PTPRQ: variants seen among roughly 807,000 people sequenced by gnomAD.
PTPRQ encodes the protein phosphatidylinositol phosphatase PTPRQ.
A neutral mutation model predicts 246.0 loss-of-function variants in PTPRQ; 199 were observed. The ratio of observed to expected loss-of-function variants is 0.81; its 90% CI spans 0.72 to 0.91. The LOEUF (loss-of-function observed/expected upper bound fraction) is 0.91. Among genes scored for constraint, PTPRQ ranks in the 40% least tolerant of loss-of-function variants. The pLI is 0.00. For synonymous variants in PTPRQ, 869 were observed against 853.2 expected (o/e 1.02, Z -0.32); for missense variants, 2,624 against 2,528.4 (o/e 1.04, Z -0.81).
chr12:80,541,443 T>A (rs1896147381), intron 20 of PTPRQ, 112 bp from the exon 21 acceptor site: 1 of 748,992 alleles, frequency 1.3e-6, no homozygotes, highest in Non-Finnish European at 1.9e-6. Flanking sequence ...TTAAATAATT[T>A]AAGAGCTGAT....
chr12:80,625,576 A>G (rs1039660363), intron 33 of PTPRQ, among the ~76,000 whole-genome samples: 1 of 152,182 alleles, frequency 6.6e-6, no homozygotes, highest in Admixed American at 6.5e-5. Context: ...GAATCACCAT[A>G]GACTGATAAT....
intron 5 of PTPRQ, 106 bp from the exon 6 acceptor site, chr12:80,460,547 G>A (rs1316252861): frequency 5.1e-6 from 2 of 395,908 alleles, no homozygotes; most frequent in Non-Finnish European, 8.9e-6. Context: ...CATGTTATGT[G>A]TGTATGTATA....
At chr12:80,481,522 C>A (rs1230827510) in intron 8 of PTPRQ, among the ~76,000 whole-genome samples, 1 of 152,034 alleles carries the variant, frequency 6.6e-6, no homozygotes, top group Non-Finnish European at 1.5e-5. Flanking sequence ...AAGTTCTGCC[C>A]AGGGCAATTA....
At chr12:80,513,471 G>C (rs1204851780) in intron 17 of PTPRQ, among the ~76,000 whole-genome samples, 1 of 152,170 alleles carries the variant, frequency 6.6e-6, no homozygotes, top group Non-Finnish European at 1.5e-5. Flanking sequence ...TCAACGTCCA[G>C]CCGCTTGTGT....
At chr12:80,525,248 G>A (rs188754181) in intron 17 of PTPRQ, among the ~76,000 whole-genome samples, 1 of 152,226 alleles carries the variant, frequency 6.6e-6, no homozygotes, top group Admixed American at 6.6e-5. Flanking sequence ...AAGGGAACAG[G>A]TCAAGATTAC....
chr12:80,546,508 C>A (rs904887701), intron 23 of PTPRQ, 48 bp from the exon 24 acceptor site: 30 of 1,497,188 alleles, frequency 2.0e-5, no homozygotes, highest in Non-Finnish European at 2.5e-5. Flanking sequence ...CATTGATGAA[C>A]AATTTTTTGA....
intron 6 of PTPRQ, among the ~76,000 whole-genome samples, chr12:80,461,112 A>G (rs985728915): frequency 6.6e-6 from 1 of 152,186 alleles, no homozygotes; most frequent in African/African-American, 2.4e-5. Context: ...AAAGATTTGC[A>G]AAAAACAATT....
chr12:80,662,804 A>G (rs9739763), intron 39 of PTPRQ, among the ~76,000 whole-genome samples: 5 of 152,038 alleles, frequency 3.3e-5, no homozygotes, highest in East Asian at 1.9e-4. Flanking sequence ...CATGTATCAC[A>G]GAGCTTTAAA....
intron 25 of PTPRQ, among the ~76,000 whole-genome samples, chr12:80,583,402 T>C (rs1053877807): frequency 2.0e-5 from 3 of 152,170 alleles, no homozygotes; most frequent in Non-Finnish European, 4.4e-5. Context: ...TTATATATAA[T>C]GTTGGGGTGA....
chr12:80,510,238 A>G (rs1895083542), intron 16 of PTPRQ, 85 bp from the exon 17 acceptor site: 1 of 1,277,736 alleles, frequency 7.8e-7, no homozygotes. Flanking sequence ...CAGAAAGTTT[A>G]TAATAAAAAT....
At chr12:80,589,789 T>A (rs1019580507) in intron 26 of PTPRQ, among the ~76,000 whole-genome samples, 42 of 152,202 alleles carry the variant, frequency 2.8e-4, no homozygotes, top group Admixed American at 2.4e-3. Flanking sequence ...GATCTACCCT[T>A]CTGTTTTTTC....
chr12:80,565,970 G>C (rs567313970), intron 25 of PTPRQ, among the ~76,000 whole-genome samples: 1 of 152,152 alleles, frequency 6.6e-6, no homozygotes, highest in East Asian at 1.9e-4. Context: ...GGTAAAAGTA[G>C]CATTTTTTAG....
chr12:80,531,480 A>C (rs184540469), intron 17 of PTPRQ, among the ~76,000 whole-genome samples: 19 of 152,320 alleles, frequency 1.2e-4, no homozygotes, highest in African/African-American at 4.6e-4. Flanking sequence ...GGGTTTGCTC[A>C]AAGGGAGTGA....
At chr12:80,571,756 T>A (rs773841294) in intron 25 of PTPRQ, among the ~76,000 whole-genome samples, 54 of 152,098 alleles carry the variant, frequency 3.6e-4, no homozygotes, top group African/African-American at 1.3e-3. Flanking sequence ...ATTTAATAAC[T>A]ATTTTAAAGA....
chr12:80,593,177 C>T (rs1681706940), intron 26 of PTPRQ, among the ~76,000 whole-genome samples: 1 of 152,096 alleles, frequency 6.6e-6, no homozygotes, highest in Non-Finnish European at 1.5e-5. Flanking sequence ...CAAGCACTTA[C>T]TAATATAACA....
intron 33 of PTPRQ, among the ~76,000 whole-genome samples, chr12:80,625,969 C>T (rs953842874): frequency 1.3e-5 from 2 of 152,096 alleles, no homozygotes; most frequent in Non-Finnish European, 2.9e-5. Context: ...ACCAGACACC[C>T]GTTTCTGTAC....
At chr12:80,569,086 A>G (rs999060629) in intron 25 of PTPRQ, among the ~76,000 whole-genome samples, 1 of 147,068 alleles carries the variant, frequency 6.8e-6, no homozygotes, top group African/African-American at 2.5e-5. Flanking sequence ...CTGTCTTTTT[A>G]GTACTGAGTT....
chr12:80,546,923 G>C, intron 24 of PTPRQ: 1 of 410,434 alleles, frequency 2.4e-6, no homozygotes, highest in Non-Finnish European at 4.1e-6. Context: ...AGAGGAAGTT[G>C]AAATAAAATA....
intron 24 of PTPRQ, among the ~76,000 whole-genome samples, chr12:80,549,054 C>T (rs1370199403): frequency 6.6e-6 from 1 of 152,132 alleles, no homozygotes; most frequent in African/African-American, 2.4e-5. Flanking sequence ...CCAGATTTGT[C>T]ACAACAGGGA....
Sources: gnomAD v4.1 joint callset for allele counts (sites outside exome capture counted in the v4.1 genomes callset) on GRCh38, gnomAD v4.1.1 for gene constraint, MANE v1.5 for transcripts, NCBI Gene and HGNC (gene_info 2026-07-23, HGNC 2026-07-21) for gene names.